Variants in SLC37A3 observed in about 807,000 individuals in gnomAD.
SLC37A3 encodes the protein sugar phosphate exchanger 3.
In SLC37A3, 51 loss-of-function variants were observed where a neutral mutation model predicts 67.1. The ratio of observed to expected loss-of-function variants is 0.76; its 90% CI spans 0.61 to 0.96. SLC37A3 has a LOEUF of 0.96. Ranked by LOEUF, SLC37A3 falls within the 40% of genes least tolerant of loss-of-function variation. The pLI is 0.00. For synonymous variants in SLC37A3, 214 were observed against 231.4 expected, an observed-to-expected ratio of 0.92 and a Z score of 0.68; for missense variants, 508 against 603.0, an observed-to-expected ratio of 0.84 and a Z score of 1.65.
rs530903877 is a variant in SLC37A3, at chr7:140,343,331, C to G, written c.1326+81G>C. 5.7e-6 allele frequency: 9 copies of G among 1,590,056 alleles called. No homozygotes were observed. In the South Asian group the frequency reaches 7.8e-5, roughly 14 times the overall value. On this transcript the variant is annotated intron_variant, in intron 13 of 14. Transcript: ENST00000326232. ...TTCTACAGCACAAGAGTGCCACCTA[C>G]TGAGGCCCAGAGGGCAGGTTCACAT...
rs1563027180 is a variant in SLC37A3 at position 140,361,498 on chromosome 7, C to CCCTCT, written c.376-2714_376-2713insAGAGG. 2.2e-4 allele frequency among the ~76,000 whole-genome samples: 16 copies of CCCTCT among 71,140 alleles called. 1 individual carries two copies. The highest frequency in any genetic ancestry group is 8.5e-4 in the East Asian group (2 of 2,352). 46.7% of individuals were successfully genotyped at this position (71,140 alleles called of 152,430 possible). A position where few individuals can be genotyped will look rare whatever the true frequency, so the allele number is the denominator to read the frequency against. On this transcript the variant is annotated intron_variant, in intron 5 of 14. Transcript: ENST00000326232. ...ACTCCGGACACACAGCCTCTCCCTC[C>CCCTCT]CCCTCCCCCTCCCCCTCCCCCTCCC... is the stretch of plus-strand genomic sequence containing the variant.
chr7:140,387,254 G>A (rs1236974586), intron 1 of SLC37A3, among the ~76,000 whole-genome samples: 1 of 151,706 alleles, frequency 6.6e-6, no homozygotes, highest in Admixed American at 6.6e-5. Flanking sequence ...GTGGATTGCT[G>A]GAGTTCAGGA....
chr7:140,383,428 G>A (rs1383882320), intron 1 of SLC37A3, among the ~76,000 whole-genome samples: 3 of 151,974 alleles, frequency 2.0e-5, no homozygotes, highest in Admixed American at 2.0e-4. Flanking sequence ...CTATGATCAC[G>A]CCACTGCAGT....
chr7:140,358,707 C>T lies in SLC37A3; in HGVS notation c.454G>A (p.Gly152Ser), dbSNP rs1797137059. ...WLYCCLWIVN[G>S]LLQSTGWPCV... The stretch of plus-strand genomic sequence containing the variant: ...GGCCAACCAGTGGACTGCAGCAGGC[C>T]GTTCACAATCCACAGGCAGCAGTAC... Residue 152 changes from glycine to serine, a missense_variant, in exon 6 of 15, where the codon GGC (glycine) becomes AGC (serine). By Grantham distance (56) the Gly-to-Ser change is moderately conservative. Coordinates refer to ENST00000326232, the MANE Select transcript of SLC37A3 (RefSeq NM_207113.3). The T allele has an allele frequency of 2.5e-6, 4 of 1,614,070 alleles. No individual in the cohort carries two copies. Among genetic ancestry groups the T allele is most frequent in the East Asian group, 2.2e-5 (1 of 44,874 alleles).
At chr7:140,357,887 G>A (rs1484754784) in intron 6 of SLC37A3, among the ~76,000 whole-genome samples, 10 of 146,068 alleles carry the variant, frequency 6.8e-5, no homozygotes, top group African/African-American at 2.6e-4. Flanking sequence ...ATTGCAATGG[G>A]CAACAAGAGC....
chr7:140,395,878 C>T (rs1031204310), intron 1 of SLC37A3, among the ~76,000 whole-genome samples: 5 of 152,130 alleles, frequency 3.3e-5, no homozygotes, highest in Non-Finnish European at 7.3e-5. Context: ...GTTTTTATGT[C>T]TGCACAGTAA....
intron 1 of SLC37A3, among the ~76,000 whole-genome samples, chr7:140,386,261 G>T (rs1238753132): frequency 4.0e-5 from 6 of 151,876 alleles, no homozygotes; most frequent in Non-Finnish European, 7.4e-5. Context: ...GTTAAGTCAG[G>T]GTTTTGCCAT....
chr7:140,382,756 C>T (rs992811054), intron 1 of SLC37A3, among the ~76,000 whole-genome samples, 160 bp from the exon 2 acceptor site: 1 of 145,998 alleles, frequency 6.8e-6, no homozygotes, highest in Non-Finnish European at 1.5e-5. Flanking sequence ...TATGTTAAAG[C>T]TATTAGGTAG....
intron 1 of SLC37A3, among the ~76,000 whole-genome samples, chr7:140,390,980 CA>C (rs1798705446): frequency 1.3e-5 from 2 of 152,100 alleles, no homozygotes; most frequent in South Asian, 4.1e-4. Context: ...TGAGTTTTGC[CA>C]CAGAAAAATC....
chr7:140,350,730 C>T (rs1796758944), intron 9 of SLC37A3, among the ~76,000 whole-genome samples: 1 of 152,014 alleles, frequency 6.6e-6, no homozygotes, highest in Non-Finnish European at 1.5e-5. Context: ...CGCCACTGCA[C>T]TCCAGCCTGG....
At chr7:140,349,256 G>A (rs1321815619) in intron 9 of SLC37A3, among the ~76,000 whole-genome samples, 2 of 152,200 alleles carry the variant, frequency 1.3e-5, no homozygotes, top group Non-Finnish European at 2.9e-5. Flanking sequence ...GTGAACAATG[G>A]ACAGCAAAGG....
intron 5 of SLC37A3, among the ~76,000 whole-genome samples, chr7:140,359,564 C>T (rs529293352): frequency 3.0e-4 from 46 of 152,224 alleles, no homozygotes; most frequent in African/African-American, 1.1e-3. Context: ...AGTTAATCAA[C>T]GAAAGCGAAA....
chr7:140,362,629 T>A (rs1585307297), intron 5 of SLC37A3, among the ~76,000 whole-genome samples: 1 of 48,088 alleles, frequency 2.1e-5, no homozygotes, highest in Non-Finnish European at 4.1e-5. Flanking sequence ...TACTGGGAAG[T>A]GAGGACCCCT....
chr7:140,391,376 GA>G (rs1263180324), intron 1 of SLC37A3, among the ~76,000 whole-genome samples: 1 of 152,198 alleles, frequency 6.6e-6, no homozygotes, highest in Non-Finnish European at 1.5e-5. Context: ...CCAACATAGT[GA>G]AACTCTGTCT....
intron 13 of SLC37A3, 52 bp from the exon 14 acceptor site, chr7:140,337,401 G>T: frequency 7.0e-7 from 1 of 1,424,110 alleles, no homozygotes. Flanking sequence ...ATTCATAAAA[G>T]GAAGCAGCTA....
At chr7:140,372,420 T>G (rs140989076) in intron 3 of SLC37A3, among the ~76,000 whole-genome samples, 1 of 152,204 alleles carries the variant, frequency 6.6e-6, no homozygotes, top group African/African-American at 2.4e-5. Context: ...CTTTCAACTT[T>G]GCTCCCTTCT....
chr7:140,364,136 A>T (rs1481576345), intron 5 of SLC37A3, among the ~76,000 whole-genome samples: 9 of 152,090 alleles, frequency 5.9e-5, no homozygotes, highest in African/African-American at 2.2e-4. Flanking sequence ...CTATAGTCCC[A>T]GCTGCTCAGG....
chr7:140,393,362 T>A (rs868092102), intron 1 of SLC37A3, among the ~76,000 whole-genome samples: 1 of 152,162 alleles, frequency 6.6e-6, no homozygotes, highest in South Asian at 2.1e-4. Context: ...CATGAAGGAA[T>A]CTTTAGATAT....
intron 1 of SLC37A3, 70 bp downstream of exon 1, chr7:140,398,346 G>A (rs1799024370): frequency 6.6e-6 from 1 of 152,296 alleles, no homozygotes; most frequent in South Asian, 2.1e-4. Context: ...TCCCGACCCG[G>A]GAAGCCCCTC....
Sources: gnomAD v4.1 joint callset for allele counts (sites outside exome capture counted in the v4.1 genomes callset) on GRCh38, gnomAD v4.1.1 for gene constraint, MANE v1.5 for transcripts, NCBI Gene and HGNC (gene_info 2026-07-23, HGNC 2026-07-21) for gene names.